MYO6: variants seen among roughly 807,000 people sequenced by gnomAD.
MYO6 encodes the protein myosin VI, also known as unconventional myosin-VI.
In MYO6, 74 loss-of-function variants were observed where a neutral mutation model predicts 178.7. The observed-to-expected ratio is 0.41, with a 90% CI of 0.34 to 0.50. The LOEUF (loss-of-function observed/expected upper bound fraction) is 0.50. MYO6 is among the 20% of genes least tolerant of loss of function. The pLI is 0.09. For missense variants in MYO6, 1,330 were observed against 1,547.4 expected, an observed-to-expected ratio of 0.86 and a Z score of 2.36; for synonymous variants, 477 against 504.6, an observed-to-expected ratio of 0.95 and a Z score of 0.73.
chr6:75,804,199 G>A (rs1304255132), intron 1 of MYO6, among the ~76,000 whole-genome samples: 1 of 152,216 alleles, frequency 6.6e-6, no homozygotes, highest in Non-Finnish European at 1.5e-5. Flanking sequence ...AAATGTTTTT[G>A]AGAATGATTC....
rs374022195 is a variant in MYO6, at chr6:75,919,235, C to G, written c.*4223C>G. On this transcript the variant is annotated 3_prime_UTR_variant, in exon 35 of 35. Transcript: ENST00000369977. ...ACACCCAGAGAAGCATACATTGTGC[C>G]CAGTAGGTAATTTTTCATCCCTAAA... 1.3e-5 allele frequency: 2 copies of G among 152,106 alleles called. No homozygotes were observed. The highest frequency in any genetic ancestry group is 4.8e-5 in the African/African-American group (2 of 41,404). The allele number at this position is 152,106 out of a possible 1,614,324, so 9.4% of individuals were successfully genotyped here.
chr6:75,863,951 A>G (rs959378611), intron 16 of MYO6, among the ~76,000 whole-genome samples: 3 of 152,178 alleles, frequency 2.0e-5, no homozygotes, highest in African/African-American at 7.2e-5. Flanking sequence ...ATAAAAGCAC[A>G]GCTCCATCCT....
intron 6 of MYO6, among the ~76,000 whole-genome samples, chr6:75,835,009 A>G (rs1420991440): frequency 1.3e-5 from 2 of 152,204 alleles, no homozygotes; most frequent in Non-Finnish European, 2.9e-5. Flanking sequence ...TAAATTAAGG[A>G]TTGCTCTTTA....
chr6:75,818,556 G>A (rs143254855), intron 2 of MYO6, among the ~76,000 whole-genome samples: 37 of 152,218 alleles, frequency 2.4e-4, no homozygotes, highest in African/African-American at 8.7e-4. Context: ...TTTTGTAGGT[G>A]TCATTTCTGT....
chr6:75,874,144 CT>C (rs1777376375), intron 20 of MYO6, among the ~76,000 whole-genome samples: 4 of 152,286 alleles, frequency 2.6e-5, no homozygotes, highest in Admixed American at 2.6e-4. Context: ...AAATAAACCC[CT>C]TCCAAAGCCC....
At chr6:75,877,958 TA>T (rs1562276341) in intron 20 of MYO6, among the ~76,000 whole-genome samples, 2 of 152,212 alleles carry the variant, frequency 1.3e-5, no homozygotes, top group African/African-American at 4.8e-5. Flanking sequence ...TTTCCAAAGG[TA>T]CTTGTTTATT....
At chr6:75,802,870 G>A (rs1024274955) in intron 1 of MYO6, among the ~76,000 whole-genome samples, 1 of 152,132 alleles carries the variant, frequency 6.6e-6, no homozygotes, top group East Asian at 1.9e-4. Flanking sequence ...ATTAGTCACA[G>A]CATATGGAAT....
Position 75,817,488 on chromosome 6 carries a change from TC to T in MYO6, c.-47-11del. ...AACTGATTCATGTTGCTGTATTTGT[TC>T]CTTTGAAACAGGTGACAGTGGATAG... On this transcript the variant is annotated splice_polypyrimidine_tract_variant and intron_variant, in intron 1 of 34. Coordinates refer to ENST00000369977, the MANE Select transcript of MYO6 (RefSeq NM_004999.4). 2 of 1,262,386 alleles carry T rather than the reference TC, an allele frequency of 1.6e-6. No homozygotes were observed. Among genetic ancestry groups the T allele is most frequent in the Non-Finnish European group, 2.3e-6 (2 of 858,906 alleles). 78.2% of individuals were successfully genotyped at this position (1,262,386 alleles called of 1,614,324 possible).
intron 1 of MYO6, among the ~76,000 whole-genome samples, chr6:75,795,800 T>C (rs1236568885): frequency 6.6e-6 from 1 of 152,210 alleles, no homozygotes; most frequent in African/African-American, 2.4e-5. Flanking sequence ...TTGTGCAAAA[T>C]GTTAAATTGG....
Position 75,890,140 on chromosome 6 carries a change from G to GAA in MYO6, c.2750_2751dup (p.Gln918AsnfsTer10). The GAA allele has an allele frequency of 1.9e-6, 3 of 1,539,284 alleles. No homozygotes were observed. Among genetic ancestry groups the GAA allele is most frequent in the Non-Finnish European group, 1.8e-6 (2 of 1,129,912 alleles). ...CAGAGGAACTCCTCAGTGCATTACAGAAAAAAAAACAGCAGGAAGAGGAAG... is the reference window on the plus strand; with the variant it reads ...CAGAGGAACTCCTCAGTGCATTACAGAAAAAAAAAAACAGCAGGAAGAGGAAG... On this transcript the variant is annotated frameshift_variant, in exon 26 of 35. Transcript: ENST00000369977. LOFTEE classifies it high-confidence loss of function.
intron 15 of MYO6, 144 bp downstream of exon 15, chr6:75,861,239 C>A: frequency 1.4e-6 from 1 of 694,342 alleles, no homozygotes; most frequent in Non-Finnish European, 2.5e-6. Flanking sequence ...TGTATTACTG[C>A]CTGGAAGTTA....
intron 1 of MYO6, among the ~76,000 whole-genome samples, chr6:75,805,021 A>ATATATATATATTTTTTTTTT (rs1252912172): frequency 1.6e-4 from 12 of 77,314 alleles, no homozygotes; most frequent in African/African-American, 1.2e-3. Flanking sequence ...ATATATATAT[A>ATATATATATATTTTTTTTTT]TTTTTTTTTT....
chr6:75,798,977 T>G (rs77400878), intron 1 of MYO6, among the ~76,000 whole-genome samples: 2,650 of 152,140 alleles, frequency 0.017, 70 homozygotes, highest in African/African-American at 0.06. Flanking sequence ...AAGCTGAAAG[T>G]CAAATCAAGA....
intron 1 of MYO6, among the ~76,000 whole-genome samples, chr6:75,805,464 A>G (rs962417582): frequency 2.0e-5 from 3 of 152,202 alleles, no homozygotes; most frequent in African/African-American, 4.8e-5. Flanking sequence ...AAAAGAGAAT[A>G]TAGTGGTGTA....
intron 1 of MYO6, among the ~76,000 whole-genome samples, chr6:75,786,360 G>A (rs1183498057): frequency 6.6e-6 from 1 of 152,000 alleles, no homozygotes. Context: ...GAATGTCTTG[G>A]CTATTCTTGG....
Position 75,891,241 on chromosome 6 carries a change from G to A in MYO6, c.2881G>A (p.Glu961Lys), listed in dbSNP as rs753090524. ...EEERRMKLEM[E>K]AKRKQEEEER... ...ATTTTTTATTAGGAAACTTGAGATG[G>A]AAGCAAAGAGAAAACAAGAAGAAGA... Residue 961 changes from glutamate (E) to lysine (K), a missense_variant, in exon 27 of 35, where the codon GAA becomes AAA. Physicochemically the swap from Glu to Lys is moderately conservative, Grantham distance 56 (BLOSUM62 1). Coordinates refer to ENST00000369977, the MANE Select transcript of MYO6 (RefSeq NM_004999.4). The A allele has an allele frequency of 9.3e-6, 15 of 1,606,326 alleles. No individual in the cohort carries two copies. The highest frequency in any genetic ancestry group is 1.3e-5 in the Non-Finnish European group (15 of 1,175,018).
intron 26 of MYO6, 120 bp from the exon 27 acceptor site, chr6:75,891,108 G>T: frequency 1.6e-6 from 1 of 612,982 alleles, no homozygotes; most frequent in Non-Finnish European, 2.9e-6. Context: ...ATGTGGCCAG[G>T]AGGTTAATTT....
intron 3 of MYO6, among the ~76,000 whole-genome samples, chr6:75,825,249 T>C (rs921614187): frequency 2.6e-5 from 4 of 152,206 alleles, no homozygotes; most frequent in Non-Finnish European, 4.4e-5. Flanking sequence ...ATAATGTTCT[T>C]CGTGAATTAT....
intron 1 of MYO6, among the ~76,000 whole-genome samples, chr6:75,765,964 A>G (rs1778378586): frequency 6.6e-6 from 1 of 152,004 alleles, no homozygotes; most frequent in African/African-American, 2.4e-5. Flanking sequence ...GGAGTTTGAG[A>G]TGGCAGTGTG....
Sources: gnomAD v4.1 joint callset for allele counts (sites outside exome capture counted in the v4.1 genomes callset) on GRCh38, gnomAD v4.1.1 for gene constraint, MANE v1.5 for transcripts, NCBI Gene and HGNC (gene_info 2026-07-23, HGNC 2026-07-21) for gene names.